ZFPM2: variants seen among roughly 807,000 people sequenced by gnomAD.
The protein encoded by ZFPM2 is zinc finger protein ZFPM2.
In ZFPM2, 20 loss-of-function variants were observed where a neutral mutation model predicts 98.6. The observed-to-expected ratio is 0.20, with a 90% confidence interval of 0.14 to 0.29. The LOEUF is 0.29. Among genes scored for constraint, ZFPM2 ranks in the 10% least tolerant of loss-of-function variants. The pLI is 1.00. For synonymous variants in ZFPM2, 518 were observed against 502.7 expected, an observed-to-expected ratio of 1.03 and a Z score of -0.41; for missense variants, 1,310 against 1,388.6, an observed-to-expected ratio of 0.94 and a Z score of 0.90.
chr8:105,438,043 A>T (rs1812160595), intron 2 of ZFPM2, among the ~76,000 whole-genome samples: 1 of 151,956 alleles, frequency 6.6e-6, no homozygotes, highest in Non-Finnish European at 1.5e-5. Flanking sequence ...TGTCTCCAAT[A>T]AAAAAAATAG....
At chr8:105,591,962 A>G (rs1275452326) in intron 4 of ZFPM2, among the ~76,000 whole-genome samples, 4 of 152,192 alleles carry the variant, frequency 2.6e-5, no homozygotes, top group Non-Finnish European at 5.9e-5. Context: ...TGTAAAAGAA[A>G]AATTTGGTAA....
At chr8:105,779,583 T>C (rs1813195949) in intron 5 of ZFPM2, among the ~76,000 whole-genome samples, 1 of 152,218 alleles carries the variant, frequency 6.6e-6, no homozygotes, top group African/African-American at 2.4e-5. Flanking sequence ...TCTATAGGTA[T>C]GGTCGAACAA....
At chr8:105,604,926 C>T (rs1225641871) in intron 4 of ZFPM2, among the ~76,000 whole-genome samples, 3 of 151,850 alleles carry the variant, frequency 2.0e-5, no homozygotes, top group Admixed American at 2.0e-4. Context: ...GCTATTTCAC[C>T]AACACCTAAA....
Position 105,803,518 on chromosome 8 carries a change from G to A in ZFPM2, c.3436G>A (p.Ala1146Thr), listed in dbSNP as rs762123467. ...CAAGAAGTTTTATTGCTCATCACAT[G>A]CAGCAGAACATGTCAAATGAACTAA... ...THKKFYCSSH[A>T]AEHVK is the part of the protein sequence containing the mutation. The change falls in exon 8 of 8, where the codon GCA (alanine) becomes ACA (threonine). Residue 1146 changes from alanine (A) to threonine (T), a missense_variant. Ala to Thr is a moderately conservative substitution (Grantham distance 58, BLOSUM62 0). Coordinates refer to ENST00000407775, the MANE Select transcript of ZFPM2 (RefSeq NM_012082.4). 2.5e-6 allele frequency: 4 copies of A among 1,609,470 alleles called. No individual in the cohort carries two copies. The highest frequency in any genetic ancestry group is 3.4e-6 in the Non-Finnish European group (4 of 1,177,584).
intron 4 of ZFPM2, among the ~76,000 whole-genome samples, chr8:105,579,589 G>T (rs959774609): frequency 6.6e-6 from 1 of 152,036 alleles, no homozygotes; most frequent in African/African-American, 2.4e-5. Flanking sequence ...CCACTATCAG[G>T]TACCACTGTC....
At chr8:105,470,544 G>A (rs1452288391) in intron 3 of ZFPM2, among the ~76,000 whole-genome samples, 1 of 152,150 alleles carries the variant, frequency 6.6e-6, no homozygotes, top group Non-Finnish European at 1.5e-5. Context: ...GGGAGGCTTA[G>A]GTGGGCAGAT....
At chr8:105,787,314 T>C (rs28558113) in intron 5 of ZFPM2, 3 of 152,242 alleles carry the variant, frequency 2.0e-5, no homozygotes, top group Admixed American at 6.5e-5. Flanking sequence ...TCGTGAAAAG[T>C]AGTTGTTTTA....
chr8:105,638,880 A>G (rs1017479312), intron 5 of ZFPM2, among the ~76,000 whole-genome samples: 1 of 152,108 alleles, frequency 6.6e-6, no homozygotes, highest in Non-Finnish European at 1.5e-5. Context: ...AATTTTTAAA[A>G]GTATAGTAGT....
At chr8:105,563,823 A>G (rs1261262154) in intron 4 of ZFPM2, among the ~76,000 whole-genome samples, 5 of 152,146 alleles carry the variant, frequency 3.3e-5, no homozygotes, top group Non-Finnish European at 5.9e-5. Flanking sequence ...ATACCAATGC[A>G]ACCTTTAATC....
At chr8:105,372,004 AATTATTATTATTATTATTATTATT>A (rs139489210) in intron 1 of ZFPM2, among the ~76,000 whole-genome samples, 1 of 145,728 alleles carries the variant, frequency 6.9e-6, no homozygotes, top group Non-Finnish European at 1.5e-5. Flanking sequence ...AAAATAGTGA[AATTATTATTATTATTATTATTATT>A]ATTATTATTA....
At chr8:105,541,192 T>C (rs899352897) in intron 3 of ZFPM2, among the ~76,000 whole-genome samples, 8 of 152,150 alleles carry the variant, frequency 5.3e-5, no homozygotes, top group Non-Finnish European at 1.5e-5. Flanking sequence ...ATGAAATATT[T>C]TTTAAGTGCA....
At chr8:105,370,515 G>T (rs898373808) in intron 1 of ZFPM2, among the ~76,000 whole-genome samples, 2 of 152,156 alleles carry the variant, frequency 1.3e-5, no homozygotes, top group African/African-American at 4.8e-5. Flanking sequence ...GTCCTATGGG[G>T]CAGATGCCCC....
intron 1 of ZFPM2, among the ~76,000 whole-genome samples, chr8:105,412,178 T>C (rs1811590062): frequency 6.6e-6 from 1 of 151,838 alleles, no homozygotes; most frequent in African/African-American, 2.4e-5. Context: ...ACATTTTTTC[T>C]CCCTAAAGAA....
chr8:105,570,279 G>A (rs1815326727), intron 4 of ZFPM2, among the ~76,000 whole-genome samples: 1 of 151,998 alleles, frequency 6.6e-6, no homozygotes. Context: ...TCTAGAATTA[G>A]GGTAGGGTTT....
chr8:105,747,770 G>A, intron 5 of ZFPM2, among the ~76,000 whole-genome samples: 1 of 152,076 alleles, frequency 6.6e-6, no homozygotes, highest in East Asian at 1.9e-4. Flanking sequence ...AAACACTGGT[G>A]AAAAGGAAGT....
Position 105,605,881 on chromosome 8 carries a change from G to A in ZFPM2, c.421-28365G>A, listed in dbSNP as rs564204314. Among the ~76,000 whole-genome samples, 3 of 152,116 alleles carry A rather than the reference G, an allele frequency of 2.0e-5. No individual in the cohort carries two copies. In the East Asian group the frequency reaches 5.8e-4, roughly 29 times the overall value. ...CTGCCCAGCAAGTTTTAGATTGGAG[G>A]CTATGTTCTTCCCATGAGCTCTTCG... is the stretch of plus-strand genomic sequence containing the variant. On this transcript the variant is annotated intron_variant, in intron 4 of 7. Coordinates refer to ENST00000407775, the MANE Select transcript of ZFPM2 (RefSeq NM_012082.4).
chr8:105,694,261 C>G (rs1810964560), intron 5 of ZFPM2, among the ~76,000 whole-genome samples: 1 of 152,086 alleles, frequency 6.6e-6, no homozygotes, highest in Admixed American at 6.5e-5. Flanking sequence ...GCTGGGATTA[C>G]AGGCCTGAGC....
At chr8:105,384,938 T>C (rs1810954419) in intron 1 of ZFPM2, among the ~76,000 whole-genome samples, 1 of 152,174 alleles carries the variant, frequency 6.6e-6, no homozygotes, top group African/African-American at 2.4e-5. Flanking sequence ...AAGCACTTTA[T>C]GTGTAGTGAC....
intron 1 of ZFPM2, among the ~76,000 whole-genome samples, chr8:105,376,800 A>G (rs1174574348): frequency 1.3e-5 from 2 of 152,172 alleles, no homozygotes; most frequent in Non-Finnish European, 2.9e-5. Flanking sequence ...TTGCTGCCTA[A>G]TGTGGTCTCT....
Sources: gnomAD v4.1 joint callset for allele counts (sites outside exome capture counted in the v4.1 genomes callset) on GRCh38, gnomAD v4.1.1 for gene constraint, MANE v1.5 for transcripts, NCBI Gene and HGNC (gene_info 2026-07-23, HGNC 2026-07-21) for gene names.